The following FTO variants were observed in gnomAD, a reference collection of about 807,000 sequenced individuals.
FTO encodes the protein alpha-ketoglutarate-dependent dioxygenase FTO.
FTO carries 47 observed loss-of-function variants against 63.9 expected under a neutral mutation model. The observed-to-expected ratio is 0.74, with a 90% CI of 0.58 to 0.94. FTO has a LOEUF of 0.94. Ranked by LOEUF, FTO falls within the 40% of genes least tolerant of loss-of-function variation. FTO has a pLI of 0.00. For synonymous variants in FTO, 207 were observed against 224.4 expected, an observed-to-expected ratio of 0.92 and a Z score of 0.69; for missense variants, 562 against 618.1, an observed-to-expected ratio of 0.91 and a Z score of 0.96.
At chr16:53,725,333 A>T (rs1168344073) in intron 1 of FTO, among the ~76,000 whole-genome samples, 2 of 152,216 alleles carry the variant, frequency 1.3e-5, no homozygotes, top group Non-Finnish European at 2.9e-5. Context: ...TGCTGCTGGA[A>T]AGAGAAGTCA....
At chr16:53,706,366 AC>A (rs1164483359) in intron 1 of FTO, among the ~76,000 whole-genome samples, 1 of 152,146 alleles carries the variant, frequency 6.6e-6, no homozygotes, top group African/African-American at 2.4e-5. Flanking sequence ...TACCTGCAAA[AC>A]CACCACAGTT....
intron 7 of FTO, among the ~76,000 whole-genome samples, chr16:53,908,393 T>A (rs1023176089): frequency 5.9e-5 from 9 of 152,246 alleles, no homozygotes; most frequent in Admixed American, 4.6e-4. Flanking sequence ...TTATGGCCTC[T>A]GTCATTCTCC....
intron 1 of FTO, among the ~76,000 whole-genome samples, chr16:53,807,739 TA>T (rs1362535128): frequency 1.3e-5 from 2 of 152,178 alleles, no homozygotes; most frequent in Non-Finnish European, 2.9e-5. Flanking sequence ...TTTGTGTCTA[TA>T]AAAAAGACTA....
At chr16:53,952,375 G>A (rs144159651) in intron 8 of FTO, among the ~76,000 whole-genome samples, 49 of 152,274 alleles carry the variant, frequency 3.2e-4, no homozygotes, top group African/African-American at 1.1e-3. Context: ...ATATGATAAT[G>A]CCATGATTAT....
chr16:53,760,348 A>G (rs1327281558), intron 1 of FTO, among the ~76,000 whole-genome samples: 2 of 151,566 alleles, frequency 1.3e-5, no homozygotes, highest in East Asian at 3.9e-4. Context: ...CTGAGGTTCA[A>G]AATCCTCCTG....
intron 8 of FTO, among the ~76,000 whole-genome samples, chr16:54,086,477 AGTT>A (rs199844709): frequency 0.016 from 2,393 of 152,324 alleles, 57 homozygotes; most frequent in African/African-American, 0.054. Context: ...TTCACCGAGC[AGTT>A]GTTCTGTTGC....
At chr16:53,794,586 A>G (rs920072949) in intron 1 of FTO, among the ~76,000 whole-genome samples, 5 of 152,206 alleles carry the variant, frequency 3.3e-5, no homozygotes, top group African/African-American at 1.2e-4. Context: ...ATAAAAGGAA[A>G]CTAAATAAAG....
Position 53,873,799 on chromosome 16 carries a change from C to T in FTO, c.909C>T (p.Ala303=). 3 of 1,612,684 alleles carry T rather than the reference C, an allele frequency of 1.9e-6. No individual in the cohort carries two copies. The highest frequency in any genetic ancestry group is 2.5e-6 in the Non-Finnish European group (3 of 1,179,048). The change falls in exon 5 of 9, where the codon GCC becomes GCT. Residue 303 remains alanine, a synonymous_variant. Coordinates refer to ENST00000471389, the MANE Select transcript of FTO (RefSeq NM_001080432.3). Reference sequence around the variant, plus strand: ...TTTTTCCTGTAGATGATCTCAATGCCACCCACCAACACTGTGTTTTGGCCG... The same window carrying T: ...TTTTTCCTGTAGATGATCTCAATGCTACCCACCAACACTGTGTTTTGGCCG... ...DCYFMLDDLN[A]THQHCVLAGS...
chr16:53,839,478 G>A (rs192551313), intron 3 of FTO, among the ~76,000 whole-genome samples: 191 of 152,210 alleles, frequency 1.3e-3, no homozygotes, highest in African/African-American at 3.8e-3. Flanking sequence ...AGCCTAAGGA[G>A]GGGAAAAACT....
intron 1 of FTO, among the ~76,000 whole-genome samples, chr16:53,778,029 CA>C (rs2151648255): frequency 6.6e-6 from 1 of 152,146 alleles, no homozygotes; most frequent in African/African-American, 2.4e-5. Context: ...TTTTGTCACA[CA>C]GTATAGTAAA....
chr16:54,105,437 C>T (rs575189900), intron 8 of FTO, among the ~76,000 whole-genome samples: 21 of 152,246 alleles, frequency 1.4e-4, no homozygotes, highest in Admixed American at 1.0e-3. Context: ...AAAGATGGAA[C>T]GGAGTGAAAA....
At chr16:53,828,775 G>A (rs768711547) in intron 3 of FTO, among the ~76,000 whole-genome samples, 2 of 152,198 alleles carry the variant, frequency 1.3e-5, no homozygotes, top group Non-Finnish European at 2.9e-5. Flanking sequence ...AGCAGAGTTA[G>A]GATTTGAGGA....
At chr16:54,091,188 G>A (rs1359101245) in intron 8 of FTO, among the ~76,000 whole-genome samples, 1 of 152,184 alleles carries the variant, frequency 6.6e-6, no homozygotes, top group Admixed American at 6.5e-5. Flanking sequence ...CATGGAACAA[G>A]TGAGAGCAAA....
chr16:53,907,370 T>C (rs1192518228), intron 7 of FTO, among the ~76,000 whole-genome samples: 1 of 152,180 alleles, frequency 6.6e-6, no homozygotes, highest in Non-Finnish European at 1.5e-5. Flanking sequence ...CAGTACACTG[T>C]AGAGTACAGT....
intron 3 of FTO, among the ~76,000 whole-genome samples, chr16:53,839,500 A>G (rs2079400972): frequency 6.6e-6 from 1 of 152,170 alleles, no homozygotes; most frequent in African/African-American, 2.4e-5. Context: ...TCACCAAACT[A>G]TCATTTTACT....
chr16:54,001,842 G>T (rs1258815967), intron 8 of FTO, among the ~76,000 whole-genome samples: 1 of 152,144 alleles, frequency 6.6e-6, no homozygotes, highest in South Asian at 2.1e-4. Flanking sequence ...ATGCATCCCA[G>T]CATCCCTTGG....
At chr16:53,756,132 A>T (rs2076918626) in intron 1 of FTO, among the ~76,000 whole-genome samples, 1 of 152,214 alleles carries the variant, frequency 6.6e-6, no homozygotes, top group Non-Finnish European at 1.5e-5. Context: ...CAAAAAGATC[A>T]TGCAGTAATT....
intron 1 of FTO, among the ~76,000 whole-genome samples, chr16:53,790,768 A>T (rs1432535436): frequency 6.6e-6 from 1 of 152,050 alleles, no homozygotes; most frequent in African/African-American, 2.4e-5. Flanking sequence ...TCGGTAATGA[A>T]CTCATTTTAA....
intron 8 of FTO, among the ~76,000 whole-genome samples, chr16:54,011,085 G>A (rs1348464808): frequency 6.6e-6 from 1 of 152,148 alleles, no homozygotes; most frequent in Admixed American, 6.5e-5. Context: ...TCTGACTTCT[G>A]CACCCCAGAT....
Sources: allele counts gnomAD v4.1 joint callset (sites outside exome capture counted in the v4.1 genomes callset), GRCh38; gene constraint gnomAD v4.1.1; transcripts MANE v1.5; gene names NCBI Gene and HGNC (gene_info 2026-07-23, HGNC 2026-07-21).